FBP1: variants seen among roughly 807,000 people sequenced by gnomAD.
The protein encoded by FBP1 is fructose-bisphosphatase 1, also known as fructose-1,6-bisphosphatase 1.
Under a neutral mutation model 29.9 loss-of-function variants are expected in FBP1, and 22 were observed. The observed-to-expected ratio is 0.74, with a 90% CI of 0.53 to 1.05. FBP1 has a LOEUF of 1.05. Ranked by LOEUF, FBP1 falls within the 50% of genes least tolerant of loss-of-function variation. The pLI, the probability that FBP1 is intolerant of heterozygous loss-of-function variation, is 0.00. For missense variants in FBP1, 345 were observed against 448.2 expected (o/e 0.77, Z 2.08); for synonymous variants, 175 against 178.6 (o/e 0.98, Z 0.16).
At chr9:94,616,198 C>T (rs1176812965) in intron 3 of FBP1, among the ~76,000 whole-genome samples, 2 of 151,954 alleles carry the variant, frequency 1.3e-5, no homozygotes, top group South Asian at 4.1e-4. Flanking sequence ...CCTCTTCAGT[C>T]GATTCCAGCC....
intron 3 of FBP1, among the ~76,000 whole-genome samples, chr9:94,616,934 T>C (rs201190303): frequency 3.9e-5 from 4 of 103,048 alleles, no homozygotes; most frequent in Non-Finnish European, 6.2e-5. Flanking sequence ...CTCTCTCTCT[T>C]TCTCTCTCTC....
chr9:94,616,079 C>T (rs3892819), intron 3 of FBP1, among the ~76,000 whole-genome samples: 15,835 of 152,044 alleles, frequency 0.1, 2,761 homozygotes, highest in African/African-American at 0.36. Flanking sequence ...CCGCCCACCT[C>T]GGCCTCCCAA....
At chr9:94,625,953 A>C (rs1463632955) in intron 1 of FBP1, among the ~76,000 whole-genome samples, 2 of 152,106 alleles carry the variant, frequency 1.3e-5, no homozygotes, top group East Asian at 3.9e-4. Context: ...GGCCTTTAGC[A>C]CCTGCATGGA....
At chr9:94,613,997 C>T (rs1247521110) in intron 3 of FBP1, among the ~76,000 whole-genome samples, 1 of 149,576 alleles carries the variant, frequency 6.7e-6, no homozygotes, top group Non-Finnish European at 1.5e-5. Context: ...AGGAGAATGG[C>T]GTGAACCCGG....
At chr9:94,618,083 A>G (rs1273378671) in intron 2 of FBP1, among the ~76,000 whole-genome samples, 1 of 152,230 alleles carries the variant, frequency 6.6e-6, no homozygotes, top group African/African-American at 2.4e-5. Context: ...TAAGAGGTGC[A>G]GATGAAGGTA....
intron 4 of FBP1, among the ~76,000 whole-genome samples, 174 bp from the exon 5 acceptor site, chr9:94,607,126 G>A (rs1827714427): frequency 6.6e-6 from 1 of 152,134 alleles, no homozygotes; most frequent in African/African-American, 2.4e-5. Context: ...TGAATGGGGT[G>A]AGGGGAAGCA....
intron 1 of FBP1, among the ~76,000 whole-genome samples, chr9:94,635,890 T>G (rs1587869166): frequency 6.6e-6 from 1 of 152,260 alleles, no homozygotes; most frequent in Admixed American, 6.5e-5. Context: ...CCGATATTAA[T>G]GGATGTTTCT....
chr9:94,635,888 A>G (rs1828184801), intron 1 of FBP1, among the ~76,000 whole-genome samples: 2 of 152,232 alleles, frequency 1.3e-5, no homozygotes, highest in Non-Finnish European at 1.5e-5. Flanking sequence ...TCCCGATATT[A>G]ATGGATGTTT....
chr9:94,607,025 G>A (rs1337522192), intron 4 of FBP1, 73 bp from the exon 5 acceptor site: 164 of 1,598,346 alleles, frequency 1.0e-4, no homozygotes, highest in Non-Finnish European at 1.3e-4. Context: ...TGAGGCGAGC[G>A]ATGGGCTGGG....
At chr9:94,611,743 C>T (rs751255108) in intron 3 of FBP1, among the ~76,000 whole-genome samples, 3 of 152,124 alleles carry the variant, frequency 2.0e-5, no homozygotes, top group Non-Finnish European at 4.4e-5. Context: ...AGAATGAGAA[C>T]CTGCCTCTTT....
intron 1 of FBP1, among the ~76,000 whole-genome samples, chr9:94,633,168 C>G (rs1302837943): frequency 6.6e-6 from 1 of 152,156 alleles, no homozygotes; most frequent in East Asian, 1.9e-4. Flanking sequence ...TTGCTAGGAC[C>G]AGCGATTTCA....
chr9:94,637,820 G>T (rs910870568), intron 1 of FBP1, among the ~76,000 whole-genome samples: 1 of 152,042 alleles, frequency 6.6e-6, no homozygotes, highest in Non-Finnish European at 1.5e-5. Context: ...TGCGCACGGC[G>T]GCTCATGCCT....
chr9:94,636,775 G>A (rs1276832132), intron 1 of FBP1, among the ~76,000 whole-genome samples: 7 of 151,794 alleles, frequency 4.6e-5, no homozygotes, highest in East Asian at 1.9e-4. Context: ...TGCAACCTCC[G>A]CCTCCCGGGT....
chr9:94,634,108 A>G (rs1455457666), intron 1 of FBP1, among the ~76,000 whole-genome samples: 1 of 150,934 alleles, frequency 6.6e-6, no homozygotes, highest in Admixed American at 6.6e-5. Flanking sequence ...AGCCTGACCA[A>G]CATGGAGAAA....
intron 3 of FBP1, among the ~76,000 whole-genome samples, chr9:94,611,631 TG>T (rs1232402944): frequency 2.0e-5 from 3 of 152,174 alleles, no homozygotes; most frequent in African/African-American, 7.2e-5. Context: ...TGGTGGCATG[TG>T]CCTGTGGCTA....
chr9:94,607,549 A>G lies in FBP1; in HGVS notation c.568-597T>C, dbSNP rs1057493093. On this transcript the variant is annotated intron_variant, in intron 4 of 6. Transcript: ENST00000375326. Reference sequence around the variant, plus strand: ...ATGGCCTTTGCTCGCTGGCGTGTGAAGTTTTTCTCAGACTGCCTCTTCCCA... The same window carrying G: ...ATGGCCTTTGCTCGCTGGCGTGTGAGGTTTTTCTCAGACTGCCTCTTCCCA... 7.9e-5 allele frequency among the ~76,000 whole-genome samples: 12 copies of G among 152,272 alleles called. No individual in the cohort carries two copies. In the East Asian group the frequency reaches 1.7e-3, roughly 22 times the overall value.
intron 1 of FBP1, among the ~76,000 whole-genome samples, chr9:94,626,945 T>C (rs559201995): frequency 5.4e-4 from 82 of 151,940 alleles, no homozygotes; most frequent in African/African-American, 1.9e-3. Flanking sequence ...TCCCAACACT[T>C]TGGGAGGCTG....
At chr9:94,608,934 C>G (rs1229213647) in intron 4 of FBP1, among the ~76,000 whole-genome samples, 2 of 152,156 alleles carry the variant, frequency 1.3e-5, no homozygotes, top group Non-Finnish European at 2.9e-5. Flanking sequence ...GGCATGGTGG[C>G]TCATGCCTGT....
chr9:94,614,005 C>T (rs1334811740), intron 3 of FBP1, among the ~76,000 whole-genome samples: 2 of 147,618 alleles, frequency 1.4e-5, no homozygotes, highest in South Asian at 2.2e-4. Context: ...GGCGTGAACC[C>T]GGGAGGCAGG....
Sources: gnomAD v4.1 joint callset for allele counts (sites outside exome capture counted in the v4.1 genomes callset) on GRCh38, gnomAD v4.1.1 for gene constraint, MANE v1.5 for transcripts, NCBI Gene and HGNC (gene_info 2026-07-23, HGNC 2026-07-21) for gene names.